Variants in DIP2C observed in about 807,000 individuals in gnomAD.
DIP2C encodes the protein DIP2 acetate--CoA ligase C (putative).
In DIP2C, 33 loss-of-function variants were observed where a neutral mutation model predicts 192.4. The observed-to-expected ratio is 0.17, with a 90% CI of 0.13 to 0.23. The LOEUF (loss-of-function observed/expected upper bound fraction) is 0.23. Among genes scored for constraint, DIP2C ranks in the 10% least tolerant of loss-of-function variants. The pLI is 1.00. For synonymous variants in DIP2C, 979 were observed against 864.1 expected (o/e 1.13, Z -2.33); for missense variants, 1,537 against 2,110.1 (o/e 0.73, Z 5.32).
chr10:479,626 G>A (rs780804548), intron 2 of DIP2C, among the ~76,000 whole-genome samples: 4 of 152,052 alleles, frequency 2.6e-5, no homozygotes, highest in African/African-American at 9.7e-5. Flanking sequence ...GAGCCAATGC[G>A]CCCGTCCCCA....
chr10:500,074 C>A (rs943541466), intron 1 of DIP2C, among the ~76,000 whole-genome samples: 5 of 152,224 alleles, frequency 3.3e-5, no homozygotes, highest in Non-Finnish European at 1.5e-5. Flanking sequence ...CTAGGGCCCC[C>A]TCAGCAAGCG....
intron 30 of DIP2C, 112 bp from the exon 31 acceptor site, chr10:327,288 A>G (rs1196882718): frequency 4.6e-6 from 6 of 1,292,202 alleles, no homozygotes; most frequent in Non-Finnish European, 6.2e-6. Flanking sequence ...CAACACAGCT[A>G]TGCATTTCCA....
chr10:386,563 T>TCC (rs773597965), intron 14 of DIP2C, among the ~76,000 whole-genome samples: 4 of 151,918 alleles, frequency 2.6e-5, no homozygotes, highest in Non-Finnish European at 5.9e-5. Flanking sequence ...CTCCATCTTA[T>TCC]CCCCCAACAG....
chr10:424,263 C>T (rs1589763781), intron 4 of DIP2C, among the ~76,000 whole-genome samples: 1 of 146,874 alleles, frequency 6.8e-6, no homozygotes, highest in Non-Finnish European at 1.5e-5. Context: ...TTATCACTGT[C>T]ACATGACTTA....
chr10:649,159 G>A lies in DIP2C; in HGVS notation c.85+40335C>T, dbSNP rs558041530. On this transcript the variant is annotated intron_variant, in intron 1 of 36. Transcript: ENST00000280886. ...TCCACGTCCACAGTGGACGGTGGGCGAGAACAGAGGGAAACTGAGTCCACG... is the reference window on the plus strand; with the variant it reads ...TCCACGTCCACAGTGGACGGTGGGCAAGAACAGAGGGAAACTGAGTCCACG... 8.3e-3 allele frequency among the ~76,000 whole-genome samples: 1,245 copies of A among 150,622 alleles called. 13 individuals carry two copies. The highest frequency in any genetic ancestry group is 0.029 in the African/African-American group (1,201 of 41,162).
chr10:671,577 G>C (rs1378007767), intron 1 of DIP2C, among the ~76,000 whole-genome samples: 6 of 76,776 alleles, frequency 7.8e-5, no homozygotes, highest in African/African-American at 2.3e-4. Context: ...ACAGACGCAC[G>C]GACGGAGGAA....
chr10:629,880 T>C (rs1238451746), intron 1 of DIP2C: 1 of 152,252 alleles, frequency 6.6e-6, no homozygotes, highest in African/African-American at 2.4e-5. Flanking sequence ...ACTCCATCCT[T>C]TGCAATGTGT....
chr10:399,247 AT>A, intron 9 of DIP2C, 28 bp from the exon 10 acceptor site: 6 of 1,595,690 alleles, frequency 3.8e-6, no homozygotes, highest in Non-Finnish European at 5.2e-6. Flanking sequence ...GCGGGTCAGC[AT>A]TAACGTGGGG....
At chr10:285,494 C>A (rs1006346751) in intron 34 of DIP2C, among the ~76,000 whole-genome samples, 19 of 152,210 alleles carry the variant, frequency 1.2e-4, no homozygotes, top group African/African-American at 4.6e-4. Context: ...GGAGGGCACA[C>A]GTGCTGCCAC....
chr10:586,011 C>G (rs1851000754), intron 1 of DIP2C, among the ~76,000 whole-genome samples: 3 of 152,102 alleles, frequency 2.0e-5, no homozygotes, highest in Non-Finnish European at 4.4e-5. Flanking sequence ...CTCAAGGAGA[C>G]ACAGGATTAA....
intron 1 of DIP2C, among the ~76,000 whole-genome samples, chr10:639,531 T>C (rs977661948): frequency 2.6e-5 from 4 of 152,214 alleles, no homozygotes; most frequent in Admixed American, 6.5e-5. Context: ...CAGCCGCATA[T>C]GCACATTCTC....
chr10:324,922 C>T (rs777762182), intron 31 of DIP2C: 2 of 532,644 alleles, frequency 3.8e-6, no homozygotes, highest in South Asian at 1.4e-5. Flanking sequence ...TCTTTTTTCA[C>T]GTATTTTATC....
At chr10:551,355 T>G (rs1848576357) in intron 1 of DIP2C, among the ~76,000 whole-genome samples, 1 of 152,148 alleles carries the variant, frequency 6.6e-6, no homozygotes, top group South Asian at 2.1e-4. Context: ...AGGGTAGGGC[T>G]TGGAGTTCCA....
intron 3 of DIP2C, among the ~76,000 whole-genome samples, chr10:447,452 C>T (rs1397384538): frequency 1.3e-5 from 2 of 150,162 alleles, no homozygotes; most frequent in Admixed American, 1.3e-4. Flanking sequence ...CACAGTGGGG[C>T]AGCAGGACCC....
At chr10:562,340 T>C (rs897507853) in intron 1 of DIP2C, among the ~76,000 whole-genome samples, 3 of 152,232 alleles carry the variant, frequency 2.0e-5, no homozygotes, top group African/African-American at 7.2e-5. Flanking sequence ...CAAATGTGTT[T>C]GACAAAGTTA....
At chr10:401,193 T>C (rs1452110418) in intron 9 of DIP2C, among the ~76,000 whole-genome samples, 1 of 150,358 alleles carries the variant, frequency 6.7e-6, no homozygotes, top group Non-Finnish European at 1.5e-5. Context: ...ACATGTGTGG[T>C]AGCATTAGCA....
At chr10:293,695 G>GT (rs1369666808) in intron 32 of DIP2C, among the ~76,000 whole-genome samples, 1 of 152,230 alleles carries the variant, frequency 6.6e-6, no homozygotes, top group East Asian at 1.9e-4. Context: ...TTTGCAACCA[G>GT]TGAAGCACAT....
Position 478,594 on chromosome 10 carries a change from C to T in DIP2C, c.158-6045G>A, listed in dbSNP as rs116159350. Among the ~76,000 whole-genome samples the T allele has an allele frequency of 2.6e-3, 397 of 151,564 alleles. 1 individual carries two copies. Among genetic ancestry groups the T allele is most frequent in the African/African-American group, 9.1e-3 (376 of 41,218 alleles). ...TATTCCCACTCATCCCGTGTCCGGGCGTGCTGGGGCTGCAGACACATCCAA... is the reference window on the plus strand; with the variant it reads ...TATTCCCACTCATCCCGTGTCCGGGTGTGCTGGGGCTGCAGACACATCCAA... On this transcript the variant is annotated intron_variant, in intron 2 of 36. Transcript: ENST00000280886.
chr10:345,200 C>G (rs775799790), intron 26 of DIP2C, 90 bp from the exon 27 acceptor site: 1 of 1,220,198 alleles, frequency 8.2e-7, no homozygotes, highest in South Asian at 1.3e-5. Context: ...ACTACATACA[C>G]TAAAACCATG....
Sources: allele counts gnomAD v4.1 joint callset (sites outside exome capture counted in the v4.1 genomes callset), GRCh38; gene constraint gnomAD v4.1.1; transcripts MANE v1.5; gene names NCBI Gene and HGNC (gene_info 2026-07-23, HGNC 2026-07-21).